Variants in LARGE1 observed in about 807,000 individuals in gnomAD.
LARGE1 encodes the protein xylosyl- and glucuronyltransferase LARGE1.
LARGE1 carries 43 observed loss-of-function variants against 87.6 expected under a neutral mutation model. The observed-to-expected ratio is 0.49, with a 90% CI of 0.38 to 0.63. LARGE1 has a LOEUF of 0.63. LARGE1 is among the 30% of genes least tolerant of loss of function. The pLI is 0.00. For synonymous variants in LARGE1, 434 were observed against 394.6 expected (o/e 1.10, Z -1.18); for missense variants, 802 against 1,000.2 (o/e 0.80, Z 2.67).
chr22:33,547,294 G>A (rs991548913), intron 6 of LARGE1, among the ~76,000 whole-genome samples: 18 of 152,130 alleles, frequency 1.2e-4, no homozygotes. Context: ...TCAGGCATTA[G>A]CTCGATTTTC....
intron 6 of LARGE1, among the ~76,000 whole-genome samples, chr22:33,465,625 TAA>T (rs1318322973): frequency 6.6e-6 from 1 of 152,212 alleles, no homozygotes; most frequent in African/African-American, 2.4e-5. Flanking sequence ...AGGCGTTCTT[TAA>T]GTGTCTATTC....
intron 12 of LARGE1, among the ~76,000 whole-genome samples, chr22:33,291,726 T>C (rs1395599429): frequency 6.9e-6 from 1 of 145,204 alleles, no homozygotes; most frequent in African/African-American, 2.8e-5. Flanking sequence ...TTTGGTCCCA[T>C]TTTTTTTGCC....
downstream of LARGE1, among the ~76,000 whole-genome samples, chr22:33,271,201 C>A (rs5749593): frequency 0.076 from 11,577 of 152,232 alleles, 480 homozygotes; most frequent in African/African-American, 0.1. Flanking sequence ...TACATAGGTT[C>A]AAATTCTCTT....
intron 11 of LARGE1, among the ~76,000 whole-genome samples, chr22:33,254,067 A>C (rs1197394615): frequency 2.0e-5 from 3 of 152,236 alleles, no homozygotes. Context: ...AAGTGGGAGC[A>C]AACAGGCTGT....
intron 4 of LARGE1, among the ~76,000 whole-genome samples, chr22:33,614,474 C>A (rs1445102352): frequency 6.6e-6 from 1 of 152,124 alleles, no homozygotes; most frequent in African/African-American, 2.4e-5. Flanking sequence ...AAGCCCCAGC[C>A]TCTCGCATGG....
At chr22:33,821,609 G>C (rs1490282751) in intron 1 of LARGE1, among the ~76,000 whole-genome samples, 2 of 152,152 alleles carry the variant, frequency 1.3e-5, no homozygotes, top group Non-Finnish European at 2.9e-5. Context: ...TGCCGAGAAG[G>C]GGAACAGAGT....
chr22:33,447,821 G>C (rs1200788449), intron 6 of LARGE1, among the ~76,000 whole-genome samples: 1 of 152,030 alleles, frequency 6.6e-6, no homozygotes, highest in Non-Finnish European at 1.5e-5. Flanking sequence ...AAGGAGGAAG[G>C]GCTCAGCTAA....
At chr22:33,159,741 C>T (rs991182100), downstream of LARGE1, among the ~76,000 whole-genome samples, 22 of 151,944 alleles carry the variant, frequency 1.4e-4, no homozygotes, top group African/African-American at 2.2e-4. Context: ...CCCGCCACCA[C>T]GCCTGGCTAA....
At chr22:33,353,757 G>C (rs1940628996) in intron 9 of LARGE1, among the ~76,000 whole-genome samples, 1 of 152,206 alleles carries the variant, frequency 6.6e-6, no homozygotes, top group Admixed American at 6.5e-5. Context: ...AAGAGAGTAT[G>C]TGGAATCATT....
chr22:33,613,765 G>A (rs958946231), intron 4 of LARGE1, among the ~76,000 whole-genome samples: 1 of 152,186 alleles, frequency 6.6e-6, no homozygotes, highest in African/African-American at 2.4e-5. Context: ...ATTCACTGCT[G>A]CATCCTAGCT....
At chr22:33,278,553 T>TCTCTCTCA (rs1304691630) in intron 13 of LARGE1, among the ~76,000 whole-genome samples, 2 of 148,670 alleles carry the variant, frequency 1.3e-5, no homozygotes, top group Admixed American at 6.7e-5. Flanking sequence ...TCTCTCTCTC[T>TCTCTCTCA]CACACACACA....
intron 1 of LARGE1, among the ~76,000 whole-genome samples, chr22:33,847,229 G>C (rs1471663920): frequency 6.6e-6 from 1 of 152,212 alleles, no homozygotes; most frequent in African/African-American, 2.4e-5. Flanking sequence ...CCCCGATAAA[G>C]TTCCATCAAG....
intron 10 of LARGE1, among the ~76,000 whole-genome samples, chr22:33,324,897 G>A (rs112675766): frequency 9.0e-5 from 13 of 144,798 alleles, no homozygotes; most frequent in East Asian, 8.3e-4. Flanking sequence ...CAAGGATCAC[G>A]CACTCACTGG....
At chr22:33,217,885 C>T (rs1391292040) in intron 11 of LARGE1, among the ~76,000 whole-genome samples, 1 of 152,028 alleles carries the variant, frequency 6.6e-6, no homozygotes, top group Non-Finnish European at 1.5e-5. Context: ...TTTCAAAGTG[C>T]TGGTATTACA....
intron 1 of LARGE1, among the ~76,000 whole-genome samples, chr22:33,802,559 A>AC (rs760601437): frequency 5.3e-5 from 8 of 152,220 alleles, no homozygotes; most frequent in Non-Finnish European, 1.2e-4. Flanking sequence ...GGTTATGAAG[A>AC]CAGGGACACA....
At chr22:33,745,580 T>C (rs536269370) in intron 2 of LARGE1, among the ~76,000 whole-genome samples, 1 of 152,186 alleles carries the variant, frequency 6.6e-6, no homozygotes, top group East Asian at 1.9e-4. Context: ...GTGAGCTAAG[T>C]GCAGCATTTT....
At chr22:33,228,488 C>T (rs1925846039) in intron 11 of LARGE1, among the ~76,000 whole-genome samples, 3 of 152,220 alleles carry the variant, frequency 2.0e-5, no homozygotes, top group Admixed American at 2.0e-4. Flanking sequence ...TTGGTTCTAT[C>T]TGAAAACTAA....
At chr22:33,887,416 C>A (rs2064883835) in intron 1 of LARGE1, among the ~76,000 whole-genome samples, 1 of 152,146 alleles carries the variant, frequency 6.6e-6, no homozygotes, top group Non-Finnish European at 1.5e-5. Context: ...AACATTCTAG[C>A]ACTGCGAGAC....
intron 4 of LARGE1, among the ~76,000 whole-genome samples, chr22:33,610,994 G>C (rs1207719901): frequency 1.3e-5 from 2 of 152,234 alleles, no homozygotes; most frequent in East Asian, 1.9e-4. Context: ...TCAGGACGGA[G>C]AGTGCAAGAG....
Sources: allele counts gnomAD v4.1 joint callset (sites outside exome capture counted in the v4.1 genomes callset), GRCh38; gene constraint gnomAD v4.1.1; transcripts MANE v1.5; gene names NCBI Gene and HGNC (gene_info 2026-07-23, HGNC 2026-07-21).